TRPM8: variants seen among roughly 807,000 people sequenced by gnomAD.
TRPM8 encodes the protein TRPM8 cationic channel.
Under a neutral mutation model 133.7 loss-of-function variants are expected in TRPM8, and 110 were observed. The observed-to-expected ratio is 0.82, with a 90% CI of 0.70 to 0.96. The LOEUF (loss-of-function observed/expected upper bound fraction) is 0.96, where lower values mean the gene tolerates loss of function less well. Ranked by LOEUF, TRPM8 falls within the 40% of genes least tolerant of loss-of-function variation. The pLI is 0.00. For synonymous variants in TRPM8, 535 were observed against 532.3 expected, an observed-to-expected ratio of 1.01 and a Z score of -0.07; for missense variants, 1,291 against 1,379.5, an observed-to-expected ratio of 0.94 and a Z score of 1.02.
In TRPM8 at chr2:234,015,478, A is replaced by G. The variant is rs188917505; in HGVS notation, c.*42+824A>G. On this transcript the variant is annotated intron_variant, in intron 25 of 25. Transcript: ENST00000324695. ...TTTATTGAGTACCTGCTCAGTGCTC[A>G]GAACTGTGCTGGCCCTGGCACTGAC... Among the ~76,000 whole-genome samples, 463 of 152,160 alleles carry G rather than the reference A, an allele frequency of 3.0e-3. 4 individuals are homozygous for G. The highest frequency in any genetic ancestry group is 3.7e-3 in the Non-Finnish European group (252 of 68,000).
intron 1 of TRPM8, among the ~76,000 whole-genome samples, chr2:233,918,661 G>GA (rs1428165757): frequency 2.0e-5 from 3 of 152,078 alleles, no homozygotes; most frequent in Non-Finnish European, 4.4e-5. Flanking sequence ...TATTCAAACT[G>GA]AAAAAAATTT....
intron 22 of TRPM8, among the ~76,000 whole-genome samples, chr2:234,006,515 G>A (rs900114744): frequency 1.3e-5 from 2 of 152,192 alleles, no homozygotes; most frequent in African/African-American, 4.8e-5. Context: ...TCATCAAAAT[G>A]GAAGAAGAGC....
At chr2:233,973,861 A>C (rs1425759408) in intron 17 of TRPM8, among the ~76,000 whole-genome samples, 1 of 152,212 alleles carries the variant, frequency 6.6e-6, no homozygotes, top group Non-Finnish European at 1.5e-5. Flanking sequence ...AAGTGAGAGA[A>C]GCAGCCCTCA....
At chr2:233,955,735 G>A (rs56240880) in intron 11 of TRPM8, among the ~76,000 whole-genome samples, 2 of 152,158 alleles carry the variant, frequency 1.3e-5, no homozygotes, top group Non-Finnish European at 2.9e-5. Flanking sequence ...CTTGACTGAC[G>A]CTCCCCAGTG....
intron 12 of TRPM8, among the ~76,000 whole-genome samples, chr2:233,962,623 G>T (rs1192039523): frequency 2.6e-5 from 4 of 152,160 alleles, no homozygotes; most frequent in African/African-American, 9.7e-5. Context: ...GTATTTGCAG[G>T]AATTGGAAGT....
chr2:234,013,480 T>C (rs1321699626), intron 24 of TRPM8: 1 of 152,178 alleles, frequency 6.6e-6, no homozygotes, highest in Non-Finnish European at 1.5e-5. Context: ...TGTTGTAAGG[T>C]TGTCTTTCTC....
intron 4 of TRPM8, 121 bp from the exon 5 acceptor site, chr2:233,938,877 C>T: frequency 8.8e-7 from 1 of 1,134,418 alleles, no homozygotes; most frequent in African/African-American, 1.5e-5. Flanking sequence ...TCCCTGCTGC[C>T]CCCACCCCGC....
chr2:234,006,947 A>G lies in TRPM8; in HGVS notation c.3225A>G (p.Ser1075=), dbSNP rs564928009. The G allele has an allele frequency of 4.3e-6, 7 of 1,612,006 alleles. No homozygotes were observed. Among genetic ancestry groups the G allele is most frequent in the Middle Eastern group, 1.6e-4 (1 of 6,076 alleles). Residue 1075 remains serine, a synonymous_variant, in exon 23 of 26, where the codon TCA becomes TCG. Coordinates refer to ENST00000324695, the MANE Select transcript of TRPM8 (RefSeq NM_024080.5). ...TCAACACAAAAGCCAACGACACCTC[A>G]GAGGAGTATGTCAGACATCCCTTTC... ...VKINTKANDT[S]EEMRHRFRQL... is the part of the protein sequence containing the mutation.
At chr2:233,965,157 C>T (rs1177215561) in intron 14 of TRPM8, among the ~76,000 whole-genome samples, 1 of 152,096 alleles carries the variant, frequency 6.6e-6, no homozygotes, top group Non-Finnish European at 1.5e-5. Flanking sequence ...CATATGCACA[C>T]ACTGCCAGAG....
rs1235973822 is a variant in TRPM8, at chr2:233,996,337, G to A, written c.2951G>A (p.Gly984Asp). ...TCTTCCCTCACCAGCTACACGGTGG[G>A]CACCGTCCAGGAGAACAATGACCAG... is the stretch of plus-strand genomic sequence containing the variant. ...LLVAMFGYTV[G>D]TVQENNDQVW... The change falls in exon 22 of 26, where the codon GGC becomes GAC. Residue 984 changes from glycine (G) to aspartate (D), a missense_variant. By Grantham distance (94) the Gly-to-Asp change is moderately conservative. This residue lies in a region of TRPM8 where 328 missense variants were observed against 410.6 expected (regional missense o/e 0.80). Transcript: ENST00000324695. 6.2e-7 allele frequency: 1 copy of A among 1,613,868 alleles called. No individual in the cohort carries two copies. Among genetic ancestry groups the A allele is most frequent in the Admixed American group, 1.7e-5 (1 of 59,976 alleles).
chr2:233,977,938 G>A (rs567355340), intron 17 of TRPM8, among the ~76,000 whole-genome samples: 49 of 152,250 alleles, frequency 3.2e-4, no homozygotes, highest in African/African-American at 1.1e-3. Context: ...TCACAAGTGG[G>A]ACTACATAAA....
chr2:233,986,964 T>A (rs12995775), intron 21 of TRPM8, among the ~76,000 whole-genome samples: 3,145 of 152,286 alleles, frequency 0.021, 39 homozygotes, highest in Non-Finnish European at 0.036. Flanking sequence ...GAGTCTCTGG[T>A]GTTGGGATGA....
intron 24 of TRPM8, 100 bp downstream of exon 24, chr2:234,008,203 TATTCAGCTTTCTTA>T: frequency 8.3e-7 from 1 of 1,211,120 alleles, no homozygotes; most frequent in Non-Finnish European, 1.2e-6. Flanking sequence ...AAAGAAGTTA[TATTCAGCTTTCTTA>T]ATTCACTGTC....
At chr2:234,011,295 C>A (rs17869073) in intron 24 of TRPM8, among the ~76,000 whole-genome samples, 24,107 of 152,076 alleles carry the variant, frequency 0.16, 2,479 homozygotes, top group East Asian at 0.36. Flanking sequence ...ATTTCTGGGC[C>A]CTTTATTCTA....
chr2:233,920,424 T>C (rs958509313), intron 1 of TRPM8, among the ~76,000 whole-genome samples: 24 of 152,198 alleles, frequency 1.6e-4, no homozygotes, highest in Admixed American at 3.9e-4. Context: ...AAAGCAAAGA[T>C]TGACATAGTT....
chr2:233,950,024 G>T lies in TRPM8; in HGVS notation c.1018G>T (p.Ala340Ser). 1 of 1,614,138 alleles carries T rather than the reference G, an allele frequency of 6.2e-7. No homozygotes were observed. Among genetic ancestry groups the T allele is most frequent in the South Asian group, 1.1e-5 (1 of 91,078 alleles). The change falls in exon 9 of 26, where the codon GCT (alanine) becomes TCT (serine). Residue 340 changes from alanine (A) to serine (S), a missense_variant. Ala to Ser is a moderately conservative substitution (Grantham distance 99). This residue lies in a region of TRPM8 where 963 missense variants were observed against 968.9 expected (regional missense o/e 0.99). Coordinates refer to ENST00000324695, the MANE Select transcript of TRPM8 (RefSeq NM_024080.5). ...EGSGQIADVI[A>S]SLVEVEDALT... ...CTCGGGCCAGATCGCTGATGTGATC[G>T]CTAGCCTGGTGGAGGTGGAGGATGC...
intron 2 of TRPM8, among the ~76,000 whole-genome samples, chr2:233,927,109 GATCCTGTCCAACACTCTCAT>G (rs1210126219): frequency 2.0e-5 from 3 of 152,214 alleles, no homozygotes; most frequent in South Asian, 2.1e-4. Flanking sequence ...CCCACTCTCA[GATCCTGTCCAACACTCTCAT>G]ATCCTGTCCA....
chr2:233,967,762 T>C (rs1025552910), intron 15 of TRPM8, among the ~76,000 whole-genome samples: 1 of 152,048 alleles, frequency 6.6e-6, no homozygotes, highest in African/African-American at 2.4e-5. Context: ...TCTGCTGCAG[T>C]GTAGTGGGTA....
At chr2:234,005,137 C>T (rs1692661066) in intron 22 of TRPM8, among the ~76,000 whole-genome samples, 1 of 152,144 alleles carries the variant, frequency 6.6e-6, no homozygotes, top group East Asian at 1.9e-4. Context: ...AAAGGGTATG[C>T]ACCTCTTAAG....
Sources: gnomAD v4.1 joint callset for allele counts (sites outside exome capture counted in the v4.1 genomes callset) on GRCh38, gnomAD v4.1.1 for gene constraint, gnomAD v4.1.1 regional missense constraint, MANE v1.5 for transcripts, NCBI Gene and HGNC (gene_info 2026-07-23, HGNC 2026-07-21) for gene names.